The following TENM3 variants were observed in gnomAD, a reference collection of about 807,000 sequenced individuals.
TENM3 encodes the protein teneurin transmembrane protein 3, also known as teneurin-3.
TENM3 carries 63 observed loss-of-function variants against 255.1 expected under a neutral mutation model. That is an observed-to-expected ratio of 0.25 (90% confidence interval 0.20 to 0.30). The LOEUF is 0.30. Ranked by LOEUF, TENM3 falls within the 10% of genes least tolerant of loss-of-function variation. The probability of loss-of-function intolerance (pLI) is 1.00; values close to 1 mark genes in which losing one functional copy is unlikely to be tolerated. For synonymous variants in TENM3, 1,306 were observed against 1,322.3 expected, an observed-to-expected ratio of 0.99 and a Z score of 0.27; for missense variants, 2,929 against 3,461.1, an observed-to-expected ratio of 0.85 and a Z score of 3.86.
At chr4:181,600,338 G>C in the TENM3 span, among the ~76,000 whole-genome samples, 1 of 152,096 alleles carries the variant, frequency 6.6e-6, no homozygotes, top group African/African-American at 2.4e-5. Context: ...GATAAATGGA[G>C]GCTCGCACAT....
chr4:181,982,731 G>T, the TENM3 span, among the ~76,000 whole-genome samples: 1 of 152,130 alleles, frequency 6.6e-6, no homozygotes, highest in Non-Finnish European at 1.5e-5. Flanking sequence ...TTCACAGAAA[G>T]GAGGTCACAT....
chr4:182,039,344 C>T, the TENM3 span, among the ~76,000 whole-genome samples: 12 of 152,294 alleles, frequency 7.9e-5, no homozygotes, highest in African/African-American at 2.6e-4. Flanking sequence ...GTCAGGATGT[C>T]GCATCTGTTC....
the TENM3 span, among the ~76,000 whole-genome samples, chr4:181,742,992 C>T: frequency 6.6e-6 from 1 of 151,850 alleles, no homozygotes; most frequent in South Asian, 2.1e-4. Flanking sequence ...CATGTCCCTA[C>T]AAAGAACATG....
intron 1 of TENM3, among the ~76,000 whole-genome samples, chr4:182,227,374 G>A (rs1280309655): frequency 6.6e-6 from 1 of 152,116 alleles, no homozygotes; most frequent in Non-Finnish European, 1.5e-5. Context: ...CCCATGCCGG[G>A]GTATTCAAGG....
At chr4:181,894,049 T>TCTA in the TENM3 span, among the ~76,000 whole-genome samples, 1 of 151,952 alleles carries the variant, frequency 6.6e-6, no homozygotes, top group Non-Finnish European at 1.5e-5. Context: ...AAAAATGAGT[T>TCTA]CTAGCAGGTA....
the TENM3 span, among the ~76,000 whole-genome samples, chr4:181,460,604 C>A: frequency 2.0e-5 from 1 of 50,164 alleles, no homozygotes; most frequent in Non-Finnish European, 5.9e-5. Flanking sequence ...ACCTTTTTTT[C>A]TGCATTAATT....
At chr4:181,453,582 A>G in the TENM3 span, among the ~76,000 whole-genome samples, 1 of 151,946 alleles carries the variant, frequency 6.6e-6, no homozygotes, top group Non-Finnish European at 1.5e-5. Flanking sequence ...GTCAGGGGAG[A>G]CATAACTAGT....
At chr4:182,339,959 A>G (rs1764382046) in intron 2 of TENM3, among the ~76,000 whole-genome samples, 3 of 152,180 alleles carry the variant, frequency 2.0e-5, no homozygotes, top group Admixed American at 2.0e-4. Context: ...AATGTTTGCT[A>G]AAGCTTTTTT....
intron 16 of TENM3, among the ~76,000 whole-genome samples, chr4:182,732,199 T>C (rs925116222): frequency 6.6e-6 from 1 of 152,204 alleles, no homozygotes; most frequent in Non-Finnish European, 1.5e-5. Flanking sequence ...ACTAATAATG[T>C]CTTTGTTCAT....
intron 1 of TENM3, among the ~76,000 whole-genome samples, chr4:182,297,621 A>T (rs1408902495): frequency 6.6e-6 from 1 of 152,186 alleles, no homozygotes; most frequent in South Asian, 2.1e-4. Context: ...AATTTCCAGG[A>T]CCATGTATTA....
chr4:181,913,714 G>C, the TENM3 span, among the ~76,000 whole-genome samples: 1 of 152,136 alleles, frequency 6.6e-6, no homozygotes, highest in Admixed American at 6.6e-5. Flanking sequence ...TAAGGAACGA[G>C]GAAGTCAAAC....
At chr4:181,636,965 C>A in the TENM3 span, among the ~76,000 whole-genome samples, 3 of 152,174 alleles carry the variant, frequency 2.0e-5, no homozygotes, top group Admixed American at 6.5e-5. Context: ...CCAGCCATTT[C>A]GCTTCGCTTG....
At chr4:181,490,763 T>C in the TENM3 span, among the ~76,000 whole-genome samples, 1 of 152,182 alleles carries the variant, frequency 6.6e-6, no homozygotes, top group Non-Finnish European at 1.5e-5. Flanking sequence ...CTACCAGTCA[T>C]GTTATTTTTT....
Position 182,754,617 on chromosome 4 carries a change from A to G in TENM3, c.4250A>G (p.Tyr1417Cys). ...AIAVSYSGVL[Y>C]ITETDEKKIN... is the part of the protein sequence containing the mutation. ...GCTGTGTCCTACAGTGGGGTCCTGT[A>G]CATTACTGAAACTGATGAGAAGAAA... The change falls in exon 22 of 28, where the codon TAC becomes TGC. Residue 1417 changes from tyrosine to cysteine, a missense_variant. Physicochemically the swap from Tyr to Cys is radical, Grantham distance 194. Coordinates refer to ENST00000511685, the MANE Select transcript of TENM3 (RefSeq NM_001080477.4). The surrounding 1 kb of genome is among the most constrained non-coding windows in gnomAD (Gnocchi z 5.1). The G allele has an allele frequency of 6.2e-7, 1 of 1,614,044 alleles. No homozygotes were observed. The highest frequency in any genetic ancestry group is 8.5e-7 in the Non-Finnish European group (1 of 1,179,892).
At chr4:182,296,499 C>A (rs1378937668) in intron 1 of TENM3, among the ~76,000 whole-genome samples, 1 of 152,152 alleles carries the variant, frequency 6.6e-6, no homozygotes, top group African/African-American at 2.4e-5. Flanking sequence ...TCAGGGCAAG[C>A]CTTGATCTAC....
the TENM3 span, among the ~76,000 whole-genome samples, chr4:181,524,546 A>G: frequency 6.6e-6 from 1 of 152,218 alleles, no homozygotes; most frequent in Non-Finnish European, 1.5e-5. Flanking sequence ...TACAAAATCC[A>G]GAAGTTATTC....
intron 12 of TENM3, among the ~76,000 whole-genome samples, chr4:182,690,146 A>G (rs1756904616): frequency 6.6e-6 from 1 of 152,206 alleles, no homozygotes; most frequent in Non-Finnish European, 1.5e-5. Flanking sequence ...CCTGCAGATC[A>G]GGCCCACTGT....
chr4:181,894,667 G>C, the TENM3 span, among the ~76,000 whole-genome samples: 8 of 151,846 alleles, frequency 5.3e-5, no homozygotes, highest in African/African-American at 1.9e-4. Flanking sequence ...TCTTGTAAAT[G>C]GTCAGTTTTA....
the TENM3 span, among the ~76,000 whole-genome samples, chr4:181,941,345 A>C: frequency 6.9e-6 from 1 of 145,152 alleles, no homozygotes; most frequent in African/African-American, 2.6e-5. Context: ...GCTCTATTTC[A>C]TCTATTATTA....
Sources: allele counts gnomAD v4.1 joint callset (sites outside exome capture counted in the v4.1 genomes callset), GRCh38; gene constraint gnomAD v4.1.1; non-coding constraint Gnocchi (gnomAD v3.1); transcripts MANE v1.5; gene names NCBI Gene and HGNC (gene_info 2026-07-23, HGNC 2026-07-21).